EFCAB5: variants seen among roughly 807,000 people sequenced by gnomAD.
EFCAB5 encodes the protein EF-hand calcium binding domain 5.
A neutral mutation model predicts 167.9 loss-of-function variants in EFCAB5; 131 were observed. That is an observed-to-expected ratio of 0.78 (90% CI 0.68 to 0.90). EFCAB5 has a LOEUF of 0.90. Among genes scored for constraint, EFCAB5 ranks in the 40% least tolerant of loss-of-function variants. EFCAB5 has a pLI of 0.00. For synonymous variants in EFCAB5, 574 were observed against 602.8 expected (o/e 0.95, Z 0.70); for missense variants, 1,663 against 1,745.2 (o/e 0.95, Z 0.84).
At chr17:30,070,083 T>C (rs1306428224) in intron 14 of EFCAB5, among the ~76,000 whole-genome samples, 5 of 152,208 alleles carry the variant, frequency 3.3e-5, no homozygotes, top group African/African-American at 1.2e-4. Context: ...GAACATAGTT[T>C]AATAACGTCT....
chr17:30,017,940 T>G (rs1483988710), intron 7 of EFCAB5, among the ~76,000 whole-genome samples: 1 of 152,188 alleles, frequency 6.6e-6, no homozygotes, highest in African/African-American at 2.4e-5. Flanking sequence ...TGTTTTGCTA[T>G]TCCCAAATTA....
At chr17:29,991,024 A>G (rs2068404145) in intron 4 of EFCAB5, among the ~76,000 whole-genome samples, 1 of 152,154 alleles carries the variant, frequency 6.6e-6, no homozygotes, top group South Asian at 2.1e-4. Context: ...CTCTTCGGTT[A>G]CTTCATCATA....
chr17:30,096,110 G>T (rs952397858), intron 22 of EFCAB5, among the ~76,000 whole-genome samples: 11 of 152,310 alleles, frequency 7.2e-5, no homozygotes, highest in African/African-American at 2.6e-4. Context: ...ATGCACAAGA[G>T]AAGGGTATAA....
Position 30,087,077 on chromosome 17 carries a change from T to G in EFCAB5, c.3594T>G (p.Val1198=), listed in dbSNP as rs377002117. The G allele has an allele frequency of 4.0e-5, 65 of 1,613,378 alleles. No homozygotes were observed. The highest frequency in any genetic ancestry group is 1.0e-4 in the Admixed American group (6 of 59,980). ...EPSPAQDSDY[V]LRNMMVTGQL... Reference sequence around the variant, plus strand: ...CTCTTTTCAAGGATTCAGACTATGTTTTACGCAACATGATGGTTACAGGGC... The same window carrying G: ...CTCTTTTCAAGGATTCAGACTATGTGTTACGCAACATGATGGTTACAGGGC... Residue 1198 remains valine (V), a synonymous_variant, in exon 19 of 23, where the codon GTT becomes GTG. Coordinates refer to ENST00000394835, the MANE Select transcript of EFCAB5 (RefSeq NM_198529.4).
In EFCAB5 at chr17:30,059,802, C is replaced by G. The variant is rs910822425; in HGVS notation, c.2737+101C>G. The G allele has an allele frequency of 1.4e-5, 12 of 874,244 alleles. No individual in the cohort carries two copies. In the Admixed American group the frequency reaches 1.9e-4, roughly 14 times the overall value. The allele number at this position is 874,244 out of a possible 1,614,324, so 54.2% of individuals were successfully genotyped here. On this transcript the variant is annotated intron_variant, in intron 14 of 22. Transcript: ENST00000394835. ...TAAAATACTGGTTATGCTAAAACCA[C>G]TAGATAACCCTTCATGTCTACCAGT...
intron 13 of EFCAB5, 27 bp from the exon 14 acceptor site, chr17:30,059,518 T>C: frequency 6.4e-7 from 1 of 1,572,108 alleles, no homozygotes; most frequent in Non-Finnish European, 8.6e-7. Flanking sequence ...ATATCTTCCG[T>C]GCTTTATTAT....
In EFCAB5 at chr17:30,060,234, A is replaced by AT. The variant is rs945432337; in HGVS notation, c.2737+536dup. Among the ~76,000 whole-genome samples, 17 of 137,948 alleles carry AT rather than the reference A, an allele frequency of 1.2e-4. No individual in the cohort carries two copies. In the South Asian group the frequency reaches 1.8e-3, roughly 14 times the overall value. 90.5% of individuals were successfully genotyped at this position (137,948 alleles called of 152,430 possible). ...ATAATAACAAAAAAAATAAAAAAAA[A>AT]TTTAAAAAAAAGGTTAAAAGGATTC... On this transcript the variant is annotated intron_variant, in intron 14 of 22. Coordinates refer to ENST00000394835, the MANE Select transcript of EFCAB5 (RefSeq NM_198529.4).
rs1484473605 is a variant in EFCAB5 at position 29,943,643 on chromosome 17, T to C, written c.184T>C (p.Ser62Pro). The C allele has an allele frequency of 6.4e-7, 1 of 1,573,274 alleles. No individual in the cohort carries two copies. The highest frequency in any genetic ancestry group is 8.6e-7 in the Non-Finnish European group (1 of 1,158,660). Residue 62 changes from serine to proline, a missense_variant, in exon 3 of 23, where the codon TCC becomes CCC. Transcript: ENST00000394835. ...VVEKAMDEIK[S>P]QELNLEGQRK... ...GGAGAAAGCAATGGATGAAATCAAA[T>C]CCCAAGGTAGAGAACTAGCCTTTCT... is the stretch of plus-strand genomic sequence containing the variant.
chr17:30,002,245 C>G (rs2068678769), intron 7 of EFCAB5, among the ~76,000 whole-genome samples: 1 of 151,938 alleles, frequency 6.6e-6, no homozygotes, highest in Non-Finnish European at 1.5e-5. Context: ...ACAGAGAGGT[C>G]CCATATGCCC....
chr17:29,946,560 C>G (rs1178377733), intron 3 of EFCAB5, among the ~76,000 whole-genome samples: 1 of 151,114 alleles, frequency 6.6e-6, no homozygotes, highest in African/African-American at 2.4e-5. Flanking sequence ...CCTCAGCCTC[C>G]CAAGTAATTG....
intron 10 of EFCAB5, among the ~76,000 whole-genome samples, chr17:30,055,061 G>A (rs975658384): frequency 1.5e-4 from 23 of 152,140 alleles, no homozygotes; most frequent in Non-Finnish European, 3.2e-4. Context: ...ACTTTGAGAG[G>A]CTGAGACGGG....
chr17:30,024,758 G>T (rs976847426), intron 7 of EFCAB5, among the ~76,000 whole-genome samples: 1 of 152,142 alleles, frequency 6.6e-6, no homozygotes, highest in Non-Finnish European at 1.5e-5. Flanking sequence ...AAAGCTGGAG[G>T]CATCATGCTA....
intron 4 of EFCAB5, among the ~76,000 whole-genome samples, chr17:29,973,337 T>A (rs1054039805): frequency 6.6e-6 from 1 of 152,054 alleles, no homozygotes; most frequent in African/African-American, 2.4e-5. Flanking sequence ...TAAGGCAACC[T>A]CTCCTCCCGC....
intron 4 of EFCAB5, among the ~76,000 whole-genome samples, chr17:29,989,429 A>G (rs947678486): frequency 9.2e-5 from 14 of 152,232 alleles, no homozygotes; most frequent in African/African-American, 3.4e-4. Flanking sequence ...TTGTGGCAAC[A>G]CTTTCCAATG....
At chr17:30,048,504 T>G (rs77788171) in intron 8 of EFCAB5, among the ~76,000 whole-genome samples, 2 of 151,810 alleles carry the variant, frequency 1.3e-5, no homozygotes, top group East Asian at 3.9e-4. Flanking sequence ...TTTTTTTTTT[T>G]TCTTTTGTGA....
Position 30,078,246 on chromosome 17 carries a change from C to T in EFCAB5, c.2769C>T (p.His923=). ...AKLHIQFPKP[H]PGHEVRLSSK... ...TACACATCCAATTTCCAAAGCCACA[C>T]CCTGGTCACGAAGTGAGATTGTCTT... Residue 923 remains histidine, a synonymous_variant, in exon 15 of 23, where the codon CAC becomes CAT. Coordinates refer to ENST00000394835, the MANE Select transcript of EFCAB5 (RefSeq NM_198529.4). 6.2e-7 allele frequency: 1 copy of T among 1,613,530 alleles called. No individual in the cohort carries two copies. The highest frequency in any genetic ancestry group is 1.1e-5 in the South Asian group (1 of 91,028).
At chr17:29,944,439 T>C (rs1390477453) in intron 3 of EFCAB5, among the ~76,000 whole-genome samples, 5 of 152,054 alleles carry the variant, frequency 3.3e-5, no homozygotes, top group Non-Finnish European at 5.9e-5. Context: ...TTTGAGGCAA[T>C]TTATGATTAT....
chr17:30,089,326 G>C (rs1024837214), intron 19 of EFCAB5, among the ~76,000 whole-genome samples: 7 of 152,028 alleles, frequency 4.6e-5, no homozygotes, highest in African/African-American at 1.7e-4. Context: ...AACACAAAGT[G>C]GTGGCTCAGC....
chr17:29,997,893 G>A (rs2151647289), intron 6 of EFCAB5, among the ~76,000 whole-genome samples: 1 of 151,100 alleles, frequency 6.6e-6, no homozygotes, highest in East Asian at 1.9e-4. Context: ...ACAGATTTTG[G>A]TGCTTTTGTT....
Sources: gnomAD v4.1 joint callset for allele counts (sites outside exome capture counted in the v4.1 genomes callset) on GRCh38, gnomAD v4.1.1 for gene constraint, MANE v1.5 for transcripts, NCBI Gene and HGNC (gene_info 2026-07-23, HGNC 2026-07-21) for gene names.